NRXN3: variants seen among roughly 807,000 people sequenced by gnomAD.
NRXN3 encodes the protein neurexin III.
NRXN3 carries 32 observed loss-of-function variants against 137.6 expected under a neutral mutation model. The observed-to-expected ratio is 0.23, with a 90% CI of 0.18 to 0.31. The LOEUF (loss-of-function observed/expected upper bound fraction) is 0.31, where lower values mean the gene tolerates loss of function less well. Among genes scored for constraint, NRXN3 ranks in the 10% least tolerant of loss-of-function variants. The pLI is 1.00. For missense variants in NRXN3, 1,574 were observed against 2,062.5 expected, an observed-to-expected ratio of 0.76 and a Z score of 4.59; for synonymous variants, 798 against 784.5, an observed-to-expected ratio of 1.02 and a Z score of -0.29.
At chr14:79,556,968 A>G (rs1230272496) in intron 16 of NRXN3, among the ~76,000 whole-genome samples, 2 of 152,038 alleles carry the variant, frequency 1.3e-5, no homozygotes, top group Non-Finnish European at 2.9e-5. Flanking sequence ...TCTCAAACAC[A>G]TTGGTTCATG....
At chr14:79,400,435 C>T (rs1455529819) in intron 15 of NRXN3, among the ~76,000 whole-genome samples, 1 of 152,218 alleles carries the variant, frequency 6.6e-6, no homozygotes, top group East Asian at 1.9e-4. Flanking sequence ...ATCCTCACAA[C>T]AGCCTTTGCA....
intron 19 of NRXN3, among the ~76,000 whole-genome samples, chr14:79,711,367 T>TA (rs1397220496): frequency 1.3e-5 from 2 of 152,154 alleles, no homozygotes; most frequent in East Asian, 1.9e-4. Context: ...AACCACTTTA[T>TA]AAAAAATGTA....
chr14:78,894,585 A>C (rs2099168160), intron 10 of NRXN3, among the ~76,000 whole-genome samples: 1 of 151,922 alleles, frequency 6.6e-6, no homozygotes, highest in South Asian at 2.1e-4. Context: ...GTTAATGTTG[A>C]TATTTCAAAC....
intron 4 of NRXN3, among the ~76,000 whole-genome samples, chr14:78,519,821 A>G (rs2096262253): frequency 6.6e-6 from 1 of 152,194 alleles, no homozygotes; most frequent in African/African-American, 2.4e-5. Flanking sequence ...GTATGAAGAC[A>G]CAGAAGACAT....
chr14:79,663,713 C>T (rs1020072261), intron 16 of NRXN3, 65 bp from the exon 17 acceptor site: 1 of 1,448,950 alleles, frequency 6.9e-7, no homozygotes, highest in Non-Finnish European at 9.5e-7. Flanking sequence ...GTTGGAGGAT[C>T]AAGTTTAAAG....
intron 1 of NRXN3, among the ~76,000 whole-genome samples, chr14:78,198,219 C>T (rs374521295): frequency 5.9e-5 from 9 of 152,246 alleles, no homozygotes; most frequent in Admixed American, 3.9e-4. Context: ...CTGAGAGAAG[C>T]TGCTCTTCGC....
At chr14:79,413,312 G>A (rs866096268) in intron 15 of NRXN3, among the ~76,000 whole-genome samples, 1 of 152,094 alleles carries the variant, frequency 6.6e-6, no homozygotes, top group Non-Finnish European at 1.5e-5. Flanking sequence ...AGTGTTGGAG[G>A]CTGCACAAGT....
chr14:78,703,402 A>G (rs976563636), intron 6 of NRXN3, among the ~76,000 whole-genome samples: 3 of 152,196 alleles, frequency 2.0e-5, no homozygotes, highest in Admixed American at 6.5e-5. Context: ...ATTCTTTCAC[A>G]ACACTTCTTA....
chr14:79,384,695 G>A (rs1353123090), intron 15 of NRXN3, among the ~76,000 whole-genome samples: 2 of 152,180 alleles, frequency 1.3e-5, no homozygotes, highest in South Asian at 2.1e-4. Context: ...ATTAATAACA[G>A]GTTTCAATGC....
intron 4 of NRXN3, among the ~76,000 whole-genome samples, chr14:78,324,775 A>G (rs1196058252): frequency 6.6e-6 from 1 of 152,072 alleles, no homozygotes; most frequent in Non-Finnish European, 1.5e-5. Context: ...AATTAATTCA[A>G]GCTGGCCAGG....
At chr14:78,693,083 A>AAAAAC (rs377654380) in intron 6 of NRXN3, among the ~76,000 whole-genome samples, 26 of 152,128 alleles carry the variant, frequency 1.7e-4, no homozygotes, top group Non-Finnish European at 2.8e-4. Flanking sequence ...ACTCCATCTC[A>AAAAAC]AAAACAAAAC....
chr14:78,178,498 T>C (rs557136032), intron 1 of NRXN3, among the ~76,000 whole-genome samples: 3 of 152,238 alleles, frequency 2.0e-5, no homozygotes. Context: ...TGAGGTGATT[T>C]GGGGTGGTGA....
At chr14:79,596,078 C>T (rs958251651) in intron 16 of NRXN3, among the ~76,000 whole-genome samples, 4 of 148,368 alleles carry the variant, frequency 2.7e-5, no homozygotes, top group Admixed American at 2.7e-4. Flanking sequence ...TTATGACATT[C>T]TTTAATGATT....
At chr14:78,707,977 A>G (rs932560520) in intron 6 of NRXN3, among the ~76,000 whole-genome samples, 1 of 152,142 alleles carries the variant, frequency 6.6e-6, no homozygotes, top group Non-Finnish European at 1.5e-5. Flanking sequence ...TGGTTCCACA[A>G]TTTTGCAATT....
chr14:79,272,653 C>G (rs930330375), intron 15 of NRXN3, among the ~76,000 whole-genome samples: 1 of 152,136 alleles, frequency 6.6e-6, no homozygotes. Context: ...CTTGAGAGCT[C>G]TACCCTACTC....
chr14:78,361,189 G>A (rs1267510225), intron 4 of NRXN3, among the ~76,000 whole-genome samples: 1 of 152,154 alleles, frequency 6.6e-6, no homozygotes, highest in Non-Finnish European at 1.5e-5. Flanking sequence ...AAAAATACCA[G>A]TAGCATCCAG....
intron 16 of NRXN3, among the ~76,000 whole-genome samples, chr14:79,520,650 T>C (rs1221264834): frequency 6.6e-6 from 1 of 152,190 alleles, no homozygotes; most frequent in Non-Finnish European, 1.5e-5. Context: ...TAGTATTCCA[T>C]GTTGTATATG....
intron 15 of NRXN3, chr14:79,279,759 C>T: frequency 2.0e-6 from 2 of 988,132 alleles, no homozygotes; most frequent in Non-Finnish European, 2.4e-6. Context: ...ACCTGCAGCC[C>T]CCTTTTGCCT....
chr14:79,695,923 G>A (rs1344038381), intron 18 of NRXN3, among the ~76,000 whole-genome samples: 1 of 151,920 alleles, frequency 6.6e-6, no homozygotes, highest in Non-Finnish European at 1.5e-5. Flanking sequence ...TTTTTATAAA[G>A]TATAGATCAT....
Sources: allele counts gnomAD v4.1 joint callset (sites outside exome capture counted in the v4.1 genomes callset), GRCh38; gene constraint gnomAD v4.1.1; transcripts MANE v1.5; gene names NCBI Gene and HGNC (gene_info 2026-07-23, HGNC 2026-07-21).